DOCK7: variants seen among roughly 807,000 people sequenced by gnomAD.
The protein encoded by DOCK7 is dedicator of cytokinesis 7, also known as dedicator of cytokinesis protein 7.
Under a neutral mutation model 271.0 loss-of-function variants are expected in DOCK7, and 138 were observed. The ratio of observed to expected loss-of-function variants is 0.51; its 90% CI spans 0.44 to 0.59. The LOEUF (loss-of-function observed/expected upper bound fraction) is 0.59, where lower values mean the gene tolerates loss of function less well. Among genes scored for constraint, DOCK7 ranks in the 20% least tolerant of loss-of-function variants. The probability of loss-of-function intolerance (pLI) is 0.00; values close to 1 mark genes in which losing one functional copy is unlikely to be tolerated. For synonymous variants in DOCK7, 823 were observed against 876.1 expected, an observed-to-expected ratio of 0.94 and a Z score of 1.07; for missense variants, 2,066 against 2,592.4, an observed-to-expected ratio of 0.80 and a Z score of 4.41.
chr1:62,577,632 T>C (rs974709187), intron 17 of DOCK7, among the ~76,000 whole-genome samples: 3 of 152,174 alleles, frequency 2.0e-5, no homozygotes, highest in Admixed American at 6.5e-5. Context: ...AAGTTGGTCT[T>C]AGAAAAAAGC....
chr1:62,688,140 C>A, intron 1 of DOCK7, 87 bp downstream of exon 1: 1 of 1,217,500 alleles, frequency 8.2e-7, no homozygotes, highest in Non-Finnish European at 1.0e-6. Context: ...CCCCGCCACA[C>A]CCACCCGCCT....
At chr1:62,647,954 G>A in intron 6 of DOCK7, 152 bp downstream of exon 6, 1 of 816,982 alleles carries the variant, frequency 1.2e-6, no homozygotes, top group South Asian at 1.8e-5. Flanking sequence ...ATTAAGAATA[G>A]TAAATTCACT....
At chr1:62,475,412 T>C in intron 46 of DOCK7, 61 bp from the exon 47 acceptor site, 2 of 1,519,866 alleles carry the variant, frequency 1.3e-6, no homozygotes, top group Middle Eastern at 1.7e-4. Flanking sequence ...ATGAACTTTA[T>C]GTATAATCAA....
chr1:62,663,162 A>AT, intron 1 of DOCK7, 32 bp from the exon 2 acceptor site: 99 of 1,330,214 alleles, frequency 7.4e-5, no homozygotes, highest in Middle Eastern at 1.9e-4. Flanking sequence ...CATACGCATT[A>AT]TTGAAAAAAA....
rs141314882 is a variant in DOCK7, at chr1:62,474,400, G to A, written c.6106-312C>T. 5.7e-3 allele frequency among the ~76,000 whole-genome samples: 864 copies of A among 152,318 alleles called. 6 individuals carry two copies. Among genetic ancestry groups the A allele is most frequent in the African/African-American group, 0.02 (814 of 41,562 alleles). ...TCACATTCTTTAATGTATCCTGGAT[G>A]TAAAAGTTGTCAAGCTACTACATCT... On this transcript the variant is annotated intron_variant, in intron 47 of 49. Coordinates refer to ENST00000635253, the MANE Select transcript of DOCK7 (RefSeq NM_001367561.1).
intron 2 of DOCK7, among the ~76,000 whole-genome samples, chr1:62,657,631 A>G (rs945597861): frequency 7.2e-5 from 11 of 152,188 alleles, no homozygotes; most frequent in African/African-American, 2.4e-4. Flanking sequence ...CATCAGAAAA[A>G]TAATTCAACA....
chr1:62,552,914 A>G lies in DOCK7; in HGVS notation c.2597-13T>C, dbSNP rs766402892. On this transcript the variant is annotated splice_polypyrimidine_tract_variant and intron_variant, in intron 21 of 49. Coordinates refer to ENST00000635253, the MANE Select transcript of DOCK7 (RefSeq NM_001367561.1). Reference sequence around the variant, plus strand: ...AAACCCCCAGGACCTAGAGTTGTATATGAAATAGCACATAATTAAAGAAAA... The same window carrying G: ...AAACCCCCAGGACCTAGAGTTGTATGTGAAATAGCACATAATTAAAGAAAA... The G allele has an allele frequency of 1.3e-6, 2 of 1,553,350 alleles. No homozygotes were observed. The highest frequency in any genetic ancestry group is 1.3e-5 in the South Asian group (1 of 79,218).
chr1:62,635,070 C>T (rs1655090235), intron 8 of DOCK7, 148 bp from the exon 9 acceptor site: 1 of 447,732 alleles, frequency 2.2e-6, no homozygotes, highest in African/African-American at 2.0e-5. Flanking sequence ...AATAAGAAAA[C>T]ATTTAATCTT....
intron 1 of DOCK7, among the ~76,000 whole-genome samples, chr1:62,673,870 C>A (rs1660262973): frequency 1.4e-5 from 2 of 141,566 alleles, no homozygotes; most frequent in African/African-American, 5.3e-5. Context: ...GCTCTCAGTT[C>A]TATTCAACCT....
chr1:62,493,104 G>A (rs1334683655), intron 40 of DOCK7, among the ~76,000 whole-genome samples: 3 of 151,992 alleles, frequency 2.0e-5, no homozygotes, highest in Non-Finnish European at 4.4e-5. Context: ...ATGGGCTAAA[G>A]GAAATTGTAA....
At chr1:62,455,564 C>T in intron 49 of DOCK7, 108 bp from the exon 50 acceptor site, 1 of 1,016,068 alleles carries the variant, frequency 9.8e-7, no homozygotes, top group Non-Finnish European at 1.5e-6. Context: ...GTTTTGCCAC[C>T]ATTTCTTACT....
chr1:62,533,092 C>T (rs906759612), intron 29 of DOCK7, among the ~76,000 whole-genome samples: 3 of 152,044 alleles, frequency 2.0e-5, no homozygotes, highest in East Asian at 3.9e-4. Flanking sequence ...GGGGTTTATC[C>T]GTTCGGAGCC....
intron 14 of DOCK7, among the ~76,000 whole-genome samples, chr1:62,593,849 AC>A (rs1447831756): frequency 6.6e-6 from 1 of 152,174 alleles, no homozygotes; most frequent in East Asian, 1.9e-4. Flanking sequence ...TAATTAAAAA[AC>A]AAACTATTGT....
rs562612066 is a variant in DOCK7, at chr1:62,655,678, C to T, written c.145-1519G>A. The stretch of plus-strand genomic sequence containing the variant: ...CTGAGCTCAAGCAATCCGCCTGCTT[C>T]GGCCTCCCGAAGTGCTGGGATTACA... On this transcript the variant is annotated intron_variant, in intron 2 of 49. Transcript: ENST00000635253. Among the ~76,000 whole-genome samples, 15 of 152,280 alleles carry T rather than the reference C, an allele frequency of 9.9e-5. No individual in the cohort carries two copies. The East Asian group carries it at 1.7e-3, about 18-fold the overall frequency.
At chr1:62,547,138 G>A (rs554341577) in intron 22 of DOCK7, among the ~76,000 whole-genome samples, 1 of 152,134 alleles carries the variant, frequency 6.6e-6, no homozygotes, top group African/African-American at 2.4e-5. Flanking sequence ...AAATCTCTTT[G>A]TGCTATGAAT....
In DOCK7 at chr1:62,579,294, C is replaced by A. The variant is rs76890892; in HGVS notation, c.1872-328G>T. Among the ~76,000 whole-genome samples the A allele has an allele frequency of 2.6e-4, 40 of 152,200 alleles. 1 individual carries two copies. The East Asian group carries it at 7.1e-3, about 27-fold the overall frequency. On this transcript the variant is annotated intron_variant, in intron 16 of 49. Transcript: ENST00000635253. ...AAAGAGGACACTAAGGTAGGGAGTTCTCTATTTATGAGCCAATTCTGATAA... is the reference window on the plus strand; with the variant it reads ...AAAGAGGACACTAAGGTAGGGAGTTATCTATTTATGAGCCAATTCTGATAA...
chr1:62,480,447 T>C (rs1646087385), intron 43 of DOCK7, among the ~76,000 whole-genome samples: 1 of 152,204 alleles, frequency 6.6e-6, no homozygotes, highest in Non-Finnish European at 1.5e-5. Context: ...GTAAAAAATG[T>C]ATTCAAATAA....
At chr1:62,540,108 T>C (rs1645480158) in intron 25 of DOCK7, among the ~76,000 whole-genome samples, 1 of 151,908 alleles carries the variant, frequency 6.6e-6, no homozygotes, top group South Asian at 2.1e-4. Context: ...AAAATTATGC[T>C]AGCTAACAAT....
At chr1:62,471,859 GTATAT>G (rs951225826) in intron 48 of DOCK7, among the ~76,000 whole-genome samples, 26 of 151,122 alleles carry the variant, frequency 1.7e-4, no homozygotes, top group African/African-American at 6.2e-4. Flanking sequence ...AAGATTATAA[GTATAT>G]TATGACTACA....
Sources: allele counts gnomAD v4.1 joint callset (sites outside exome capture counted in the v4.1 genomes callset), GRCh38; gene constraint gnomAD v4.1.1; transcripts MANE v1.5; gene names NCBI Gene and HGNC (gene_info 2026-07-23, HGNC 2026-07-21).